The following NGLY1 variants were observed in gnomAD, a reference collection of about 807,000 sequenced individuals.
NGLY1 encodes the protein N-glycanase 1.
NGLY1 carries 68 observed loss-of-function variants against 84.6 expected under a neutral mutation model. The ratio of observed to expected loss-of-function variants is 0.80; its 90% CI spans 0.66 to 0.98. The LOEUF is 0.98. NGLY1 is among the 50% of genes least tolerant of loss of function. The probability of loss-of-function intolerance (pLI) is 0.00; values close to 1 mark genes in which losing one functional copy is unlikely to be tolerated. For missense variants in NGLY1, 779 were observed against 770.2 expected (o/e 1.01, Z -0.14); for synonymous variants, 280 against 275.2 (o/e 1.02, Z -0.17).
intron 2 of NGLY1, among the ~76,000 whole-genome samples, chr3:25,776,443 A>T (rs961258050): frequency 6.6e-6 from 1 of 152,224 alleles, no homozygotes; most frequent in Non-Finnish European, 1.5e-5. Context: ...TTCCTTGAAC[A>T]AGGAATTTTA....
In NGLY1 at chr3:25,766,645, G is replaced by A. The variant is rs141826609; in HGVS notation, c.247-2334C>T. 3.8e-3 allele frequency among the ~76,000 whole-genome samples: 586 copies of A among 152,212 alleles called. 6 individuals carry two copies. Among genetic ancestry groups the A allele is most frequent in the South Asian group, 0.022 (104 of 4,820 alleles). The stretch of plus-strand genomic sequence containing the variant: ...AGAATCTTCTTATATCTAGGAGGAG[G>A]CCTAGGAAGAGAAACCAGACATCTG... On this transcript the variant is annotated intron_variant, in intron 2 of 11. Transcript: ENST00000280700.
At chr3:25,787,196 G>T (rs537311133), upstream of NGLY1, among the ~76,000 whole-genome samples, 1 of 152,152 alleles carries the variant, frequency 6.6e-6, no homozygotes, top group Non-Finnish European at 1.5e-5. Context: ...TTTCAGTGAG[G>T]GGGGACAACT....
exon 1 of NGLY1, chr3:25,790,033 G>A (rs962699560): frequency 6.1e-6 from 5 of 824,622 alleles, no homozygotes; most frequent in Non-Finnish European, 9.9e-6. Flanking sequence ...CGCGTGCGTG[G>A]GAAAGCGCAT....
chr3:25,739,448 G>A (rs968127933), intron 5 of NGLY1, 129 bp downstream of exon 5: 11 of 883,058 alleles, frequency 1.2e-5, no homozygotes, highest in Admixed American at 1.1e-4. Context: ...TGCCAGCCAC[G>A]GTTTGCTCAC....
chr3:25,746,865 T>C (rs1452993915), intron 4 of NGLY1, among the ~76,000 whole-genome samples: 1 of 152,216 alleles, frequency 6.6e-6, no homozygotes, highest in Non-Finnish European at 1.5e-5. Flanking sequence ...AGTTTCGCTC[T>C]TTTGCCCAGG....
chr3:25,781,409 T>C (rs968756471), intron 1 of NGLY1, among the ~76,000 whole-genome samples: 5 of 152,284 alleles, frequency 3.3e-5, no homozygotes, highest in Admixed American at 6.5e-5. Flanking sequence ...GTTTTGTGTA[T>C]AGACTGATAC....
Position 25,760,598 on chromosome 3 carries a change from C to T in NGLY1, c.492+3468G>A, listed in dbSNP as rs1243054169. ...CACACAGGCCGGGCACGGTGGCTCA[C>T]GCCTGTAACCCAGCACTTTGGGAGG... On this transcript the variant is annotated intron_variant, in intron 3 of 11. Coordinates refer to ENST00000280700, the MANE Select transcript of NGLY1 (RefSeq NM_018297.4). 5.3e-5 allele frequency among the ~76,000 whole-genome samples: 8 copies of T among 152,024 alleles called. No homozygotes were observed. In the East Asian group the frequency reaches 5.8e-4, roughly 11 times the overall value.
At chr3:25,766,836 C>T (rs1016964643) in intron 2 of NGLY1, among the ~76,000 whole-genome samples, 1 of 152,148 alleles carries the variant, frequency 6.6e-6, no homozygotes, top group Non-Finnish European at 1.5e-5. Flanking sequence ...AGATACGCTG[C>T]TCATGCCATG....
At chr3:25,781,703 G>A (rs1575669817) in intron 1 of NGLY1, among the ~76,000 whole-genome samples, 1 of 152,100 alleles carries the variant, frequency 6.6e-6, no homozygotes, top group South Asian at 2.1e-4. Context: ...TCTCAAAAAC[G>A]AAAATCAGCA....
At chr3:25,744,646 C>T (rs577264766) in intron 4 of NGLY1, among the ~76,000 whole-genome samples, 43 of 152,304 alleles carry the variant, frequency 2.8e-4, no homozygotes, top group African/African-American at 9.9e-4. Flanking sequence ...GATGACAATG[C>T]ACCAGTTAAA....
Position 25,733,929 on chromosome 3 carries a change from T to A in NGLY1, c.1203A>T (p.Arg401Ser). The A allele has an allele frequency of 6.2e-7, 1 of 1,613,966 alleles. No homozygotes were observed. Among genetic ancestry groups the A allele is most frequent in the Admixed American group, 1.7e-5 (1 of 60,022 alleles). ...YSCKHEEVIA[R>S]RTKVKEALLR... The stretch of plus-strand genomic sequence containing the variant: ...GTAATGCTTCTTTAACCTTAGTTCT[T>A]CTGGCAATCACCTCTTCATGTTTGC... Residue 401 changes from arginine to serine, a missense_variant, in exon 8 of 12, where the codon AGA becomes AGT. Coordinates refer to ENST00000280700, the MANE Select transcript of NGLY1 (RefSeq NM_018297.4).
In NGLY1 at chr3:25,764,047, G is replaced by A. The variant is rs1318984576; in HGVS notation, c.492+19C>T. On this transcript the variant is annotated intron_variant, in intron 3 of 11. Transcript: ENST00000280700. ...CACTTTGAAAGAAACAGTTAAAGAA[G>A]GTTTAATTCTAACATTACCGTTGAA... The A allele has an allele frequency of 1.2e-6, 2 of 1,612,306 alleles. No homozygotes were observed. The highest frequency in any genetic ancestry group is 1.7e-5 in the Admixed American group (1 of 59,862).
At chr3:25,757,734 A>G (rs1204084135) in intron 3 of NGLY1, among the ~76,000 whole-genome samples, 1 of 152,252 alleles carries the variant, frequency 6.6e-6, no homozygotes. Flanking sequence ...GAGCTGTACA[A>G]GAAGGTCCAC....
intron 3 of NGLY1, among the ~76,000 whole-genome samples, chr3:25,761,866 T>G (rs1402329008): frequency 6.6e-6 from 1 of 152,148 alleles, no homozygotes; most frequent in Non-Finnish European, 1.5e-5. Flanking sequence ...TGGAATATTA[T>G]TCAACAATAA....
At chr3:25,722,595 A>G (rs1374726376) in intron 10 of NGLY1, among the ~76,000 whole-genome samples, 1 of 152,162 alleles carries the variant, frequency 6.6e-6, no homozygotes, top group Non-Finnish European at 1.5e-5. Flanking sequence ...TCTCCAAAGA[A>G]AATGTTCTTA....
chr3:25,740,369 T>A (rs1407948883), intron 4 of NGLY1, among the ~76,000 whole-genome samples: 1 of 152,124 alleles, frequency 6.6e-6, no homozygotes, highest in Non-Finnish European at 1.5e-5. Flanking sequence ...ATAACAACCC[T>A]AGTAAGTTAT....
chr3:25,761,022 T>A (rs571786747), intron 3 of NGLY1, among the ~76,000 whole-genome samples: 1 of 152,242 alleles, frequency 6.6e-6, no homozygotes, highest in Non-Finnish European at 1.5e-5. Context: ...TTATTTATCA[T>A]TATCTGATAA....
At chr3:25,722,050 T>C (rs1705021038) in intron 10 of NGLY1, among the ~76,000 whole-genome samples, 1 of 151,572 alleles carries the variant, frequency 6.6e-6, no homozygotes, top group South Asian at 2.1e-4. Flanking sequence ...GAACCCCATC[T>C]CTACTAAAAA....
At chr3:25,773,324 T>G (rs1248368857) in intron 2 of NGLY1, among the ~76,000 whole-genome samples, 6 of 152,142 alleles carry the variant, frequency 3.9e-5, no homozygotes, top group Non-Finnish European at 8.8e-5. Context: ...TTGATCATTT[T>G]TAAAATTCTT....
Sources: allele counts gnomAD v4.1 joint callset (sites outside exome capture counted in the v4.1 genomes callset), GRCh38; gene constraint gnomAD v4.1.1; transcripts MANE v1.5; gene names NCBI Gene and HGNC (gene_info 2026-07-23, HGNC 2026-07-21).